Variants in NDST3 observed in about 807,000 individuals in gnomAD.
NDST3 encodes bifunctional heparan sulfate N-deacetylase/N-sulfotransferase 3.
A neutral mutation model predicts 96.1 loss-of-function variants in NDST3; 58 were observed. The ratio of observed to expected loss-of-function variants is 0.60; its 90% CI spans 0.49 to 0.75. NDST3 has a LOEUF of 0.75. Among genes scored for constraint, NDST3 ranks in the 30% least tolerant of loss-of-function variants. NDST3 has a pLI of 0.00. For synonymous variants in NDST3, 333 were observed against 359.7 expected, an observed-to-expected ratio of 0.93 and a Z score of 0.84; for missense variants, 788 against 1,034.2, an observed-to-expected ratio of 0.76 and a Z score of 3.27.
At chr4:118,110,077 C>T (rs1339934881) in intron 3 of NDST3, among the ~76,000 whole-genome samples, 1 of 152,140 alleles carries the variant, frequency 6.6e-6, no homozygotes, top group Admixed American at 6.6e-5. Flanking sequence ...CCCAAGGTCA[C>T]ATAGCTTGTG....
At chr4:118,116,790 G>A (rs1731168787) in intron 4 of NDST3, among the ~76,000 whole-genome samples, 1 of 151,904 alleles carries the variant, frequency 6.6e-6, no homozygotes, top group Non-Finnish European at 1.5e-5. Flanking sequence ...CCCAGGAGGT[G>A]GAGCTTGCAG....
intron 2 of NDST3, among the ~76,000 whole-genome samples, chr4:118,098,127 A>G (rs1729491080): frequency 1.3e-5 from 2 of 151,946 alleles, no homozygotes; most frequent in African/African-American, 2.4e-5. Flanking sequence ...CTCTGCAACT[A>G]AAAGGAAATC....
chr4:118,180,390 G>A (rs1736535337), intron 6 of NDST3, among the ~76,000 whole-genome samples: 1 of 152,084 alleles, frequency 6.6e-6, no homozygotes, highest in South Asian at 2.1e-4. Flanking sequence ...ATTCACGTAG[G>A]ATAATAGCCT....
intron 6 of NDST3, among the ~76,000 whole-genome samples, chr4:118,171,730 G>A (rs890092573): frequency 2.0e-5 from 3 of 152,202 alleles, no homozygotes; most frequent in Admixed American, 6.5e-5. Flanking sequence ...ATACAATACC[G>A]CTTTCCAGGG....
At chr4:118,130,465 A>T (rs1228654850) in intron 4 of NDST3, among the ~76,000 whole-genome samples, 1 of 152,122 alleles carries the variant, frequency 6.6e-6, no homozygotes, top group Non-Finnish European at 1.5e-5. Context: ...CTTTAATTTC[A>T]TCAACTCACT....
intron 6 of NDST3, among the ~76,000 whole-genome samples, chr4:118,162,151 A>G (rs1735200951): frequency 6.6e-6 from 1 of 152,190 alleles, no homozygotes; most frequent in Non-Finnish European, 1.5e-5. Flanking sequence ...GGAAGAATCA[A>G]TATCATGAAA....
At chr4:118,063,829 C>T (rs1005873830) in intron 2 of NDST3, among the ~76,000 whole-genome samples, 1 of 152,128 alleles carries the variant, frequency 6.6e-6, no homozygotes, top group African/African-American at 2.4e-5. Flanking sequence ...ATACAAAATG[C>T]AGATCTACCT....
intron 6 of NDST3, among the ~76,000 whole-genome samples, chr4:118,218,363 C>G (rs1046426786): frequency 6.6e-6 from 1 of 152,134 alleles, no homozygotes; most frequent in African/African-American, 2.4e-5. Flanking sequence ...TTGGCTTCAT[C>G]CCTGGGATTC....
chr4:118,212,377 A>G (rs1738859532), intron 6 of NDST3, among the ~76,000 whole-genome samples: 1 of 151,886 alleles, frequency 6.6e-6, no homozygotes, highest in African/African-American at 2.4e-5. Flanking sequence ...CATTTCTACA[A>G]AAAAATACAA....
intron 1 of NDST3, among the ~76,000 whole-genome samples, chr4:118,046,966 G>T (rs1426993308): frequency 6.6e-6 from 1 of 152,134 alleles, no homozygotes; most frequent in Non-Finnish European, 1.5e-5. Context: ...TGATCAGAGG[G>T]ACTCCCCCAA....
At chr4:118,205,313 A>C (rs1560716703) in intron 6 of NDST3, among the ~76,000 whole-genome samples, 1 of 144,610 alleles carries the variant, frequency 6.9e-6, no homozygotes, top group African/African-American at 2.6e-5. Flanking sequence ...CTATTTACAG[A>C]ATGATAGACA....
At chr4:118,237,640 C>G (rs1430409229) in intron 10 of NDST3, among the ~76,000 whole-genome samples, 8 of 152,132 alleles carry the variant, frequency 5.3e-5, no homozygotes, top group Non-Finnish European at 8.8e-5. Context: ...CATTGCAACT[C>G]TACCATTGTA....
intron 6 of NDST3, among the ~76,000 whole-genome samples, chr4:118,148,723 C>T (rs537239771): frequency 2.0e-5 from 3 of 152,110 alleles, no homozygotes; most frequent in Admixed American, 1.3e-4. Context: ...TGTGTATGTG[C>T]TTTTCTCTAA....
intron 6 of NDST3, among the ~76,000 whole-genome samples, chr4:118,206,287 T>C (rs1738439566): frequency 6.9e-6 from 1 of 145,064 alleles, no homozygotes; most frequent in African/African-American, 2.5e-5. Context: ...TATTTATTTA[T>C]TCTGAGTGTA....
chr4:118,244,546 T>A (rs1363090129), intron 12 of NDST3, among the ~76,000 whole-genome samples: 4 of 152,184 alleles, frequency 2.6e-5, no homozygotes, highest in Non-Finnish European at 5.9e-5. Context: ...TAAACCAATA[T>A]GAATTCTCAA....
chr4:118,064,917 C>T (rs1490431441), intron 2 of NDST3, among the ~76,000 whole-genome samples: 1 of 152,052 alleles, frequency 6.6e-6, no homozygotes, highest in African/African-American at 2.4e-5. Flanking sequence ...GCTCATATTC[C>T]CTTCCTTCAT....
intron 2 of NDST3, among the ~76,000 whole-genome samples, chr4:118,071,490 C>T (rs10027893): frequency 0.85 from 129,685 of 152,088 alleles, 56,862 homozygotes; most frequent in South Asian, 0.96. Context: ...TTAGCTCCCA[C>T]TAATAAGTGA....
chr4:118,058,594 AGTGTGTGTGTGTGT>A (rs59628763), intron 2 of NDST3, among the ~76,000 whole-genome samples: 155 of 81,048 alleles, frequency 1.9e-3, no homozygotes, highest in African/African-American at 5.1e-3. Context: ...AGTCAGGAAA[AGTGTGTGTGTGTGT>A]GTGTGTGTGT....
intron 2 of NDST3, among the ~76,000 whole-genome samples, chr4:118,097,141 T>A (rs900337835): frequency 2.6e-5 from 4 of 151,936 alleles, no homozygotes; most frequent in Non-Finnish European, 4.4e-5. Context: ...CATAATAATG[T>A]TTGACCAATT....
Sources: gnomAD v4.1 joint callset for allele counts (sites outside exome capture counted in the v4.1 genomes callset) on GRCh38, gnomAD v4.1.1 for gene constraint, MANE v1.5 for transcripts, NCBI Gene and HGNC (gene_info 2026-07-23, HGNC 2026-07-21) for gene names.